WWOX: variants seen among roughly 807,000 people sequenced by gnomAD.
The protein encoded by WWOX is WW domain containing oxidoreductase, also known as WW domain-containing oxidoreductase.
In WWOX, 69 loss-of-function variants were observed where a neutral mutation model predicts 46.2. The ratio of observed to expected loss-of-function variants is 1.49; its 90% CI spans 1.23 to 1.82. The LOEUF is 1.82. Ranked by LOEUF, WWOX falls within the 40% of genes most tolerant of loss-of-function variation. The probability of loss-of-function intolerance (pLI) is 0.00; values close to 1 mark genes in which losing one functional copy is unlikely to be tolerated. For missense variants in WWOX, 919 were observed against 542.6 expected, an observed-to-expected ratio of 1.69 and a Z score of -6.89; for synonymous variants, 359 against 202.6, an observed-to-expected ratio of 1.77 and a Z score of -6.56.
chr16:78,949,589 A>G (rs1567669534), intron 8 of WWOX, among the ~76,000 whole-genome samples: 1 of 152,194 alleles, frequency 6.6e-6, no homozygotes, highest in Non-Finnish European at 1.5e-5. Flanking sequence ...ATGCTGTACT[A>G]CTTTTAATTT....
intron 8 of WWOX, among the ~76,000 whole-genome samples, chr16:78,433,240 G>C (rs1167739531): frequency 6.6e-6 from 1 of 152,070 alleles, no homozygotes. Flanking sequence ...TCCTCTGTTG[G>C]AGAGTCCTTT....
chr16:78,319,881 G>C (rs182853485), intron 5 of WWOX, among the ~76,000 whole-genome samples: 1 of 152,088 alleles, frequency 6.6e-6, no homozygotes, highest in Non-Finnish European at 1.5e-5. Flanking sequence ...TTTTCTGCCT[G>C]GGAGGCACTT....
intron 5 of WWOX, among the ~76,000 whole-genome samples, chr16:78,320,922 G>A (rs1169283003): frequency 6.6e-6 from 1 of 152,094 alleles, no homozygotes; most frequent in Non-Finnish European, 1.5e-5. Context: ...CTTGCTTTGG[G>A]CGCCAGACTG....
intron 8 of WWOX, among the ~76,000 whole-genome samples, chr16:78,994,110 C>T (rs939407802): frequency 6.6e-6 from 1 of 152,176 alleles, no homozygotes; most frequent in African/African-American, 2.4e-5. Flanking sequence ...AGAAACGTTA[C>T]CTGTCAACAT....
chr16:78,970,686 A>G (rs920301611), intron 8 of WWOX, among the ~76,000 whole-genome samples: 12 of 152,196 alleles, frequency 7.9e-5, no homozygotes, highest in Admixed American at 7.9e-4. Flanking sequence ...TTGAGGCCAT[A>G]ATTTAAAAAG....
At chr16:78,698,349 G>T (rs1359509178) in intron 8 of WWOX, among the ~76,000 whole-genome samples, 2 of 152,142 alleles carry the variant, frequency 1.3e-5, no homozygotes, top group Non-Finnish European at 2.9e-5. Flanking sequence ...TGGGATTTTT[G>T]GGGTATCTTC....
intron 8 of WWOX, among the ~76,000 whole-genome samples, chr16:78,968,022 A>G (rs978799220): frequency 5.9e-5 from 9 of 152,226 alleles, no homozygotes; most frequent in Admixed American, 5.2e-4. Flanking sequence ...TGTTTAATCT[A>G]CCATTCCTTG....
At chr16:78,723,133 G>A (rs992732240) in intron 8 of WWOX, among the ~76,000 whole-genome samples, 1 of 152,168 alleles carries the variant, frequency 6.6e-6, no homozygotes, top group Non-Finnish European at 1.5e-5. Flanking sequence ...AGATCATCCC[G>A]TCAACTGCTG....
At chr16:78,172,103 G>A (rs2151744052) in intron 5 of WWOX, among the ~76,000 whole-genome samples, 1 of 152,300 alleles carries the variant, frequency 6.6e-6, no homozygotes, top group South Asian at 2.1e-4. Flanking sequence ...GTGTGTGGGT[G>A]ATGCCGGAAG....
chr16:78,867,661 C>T (rs2044035282), intron 8 of WWOX, among the ~76,000 whole-genome samples: 1 of 152,068 alleles, frequency 6.6e-6, no homozygotes, highest in Non-Finnish European at 1.5e-5. Context: ...CCACCTCAGC[C>T]TCACGAGTAG....
rs72628253 is a variant in WWOX at position 78,945,079 on chromosome 16, C to G, written c.1057-266529C>G. On this transcript the variant is annotated intron_variant, in intron 8 of 8. Coordinates refer to ENST00000566780, the MANE Select transcript of WWOX (RefSeq NM_016373.4). ...CCTGTAGTCGCAGGTACTTGGGAGG[C>G]TGAGGTAAGGGGATTGCTGGAGCCT... is the stretch of plus-strand genomic sequence containing the variant. 9.6e-3 allele frequency among the ~76,000 whole-genome samples: 1,457 copies of G among 152,108 alleles called. 53 individuals are homozygous for G. The East Asian group carries it at 0.11, about 11-fold the overall frequency.
chr16:78,381,091 C>T (rs1163063799), intron 5 of WWOX, among the ~76,000 whole-genome samples: 2 of 152,178 alleles, frequency 1.3e-5, no homozygotes, highest in Admixed American at 6.5e-5. Flanking sequence ...GGCTGTAGTT[C>T]CAGGGCAGCC....
Position 79,096,495 on chromosome 16 carries a change from G to A in WWOX, c.1057-115113G>A, listed in dbSNP as rs139442673. ...CCCTCCTGGTTATCCCACTCAGAGTGCCCTTCAACAGCTACAGGGCTGGCC... is the reference window on the plus strand; with the variant it reads ...CCCTCCTGGTTATCCCACTCAGAGTACCCTTCAACAGCTACAGGGCTGGCC... On this transcript the variant is annotated intron_variant, in intron 8 of 8. Transcript: ENST00000566780. Among the ~76,000 whole-genome samples, 671 of 152,222 alleles carry A rather than the reference G, an allele frequency of 4.4e-3. 1 individual carries two copies. The highest frequency in any genetic ancestry group is 0.014 in the Middle Eastern group (4 of 294).
intron 8 of WWOX, among the ~76,000 whole-genome samples, chr16:78,724,268 A>C (rs1046496347): frequency 3.9e-5 from 6 of 152,188 alleles, no homozygotes; most frequent in Non-Finnish European, 7.3e-5. Context: ...CAATGAAAAA[A>C]GCCCCATTTG....
rs190236835 is a variant in WWOX at position 78,106,239 on chromosome 16, T to G, written c.108-2184T>G. ...ATCTCTTAACTTTCTTGAAGAAGCTTGAGACACAGCTCTGCAAGGGGCTGG... is the reference window on the plus strand; with the variant it reads ...ATCTCTTAACTTTCTTGAAGAAGCTGGAGACACAGCTCTGCAAGGGGCTGG... On this transcript the variant is annotated intron_variant, in intron 1 of 8. Coordinates refer to ENST00000566780, the MANE Select transcript of WWOX (RefSeq NM_016373.4). Among the ~76,000 whole-genome samples, 928 of 152,264 alleles carry G rather than the reference T, an allele frequency of 6.1e-3. 15 individuals are homozygous for G. Among genetic ancestry groups the G allele is most frequent in the African/African-American group, 0.021 (890 of 41,552 alleles).
chr16:78,472,421 G>T (rs1010461512), intron 8 of WWOX, among the ~76,000 whole-genome samples: 1 of 152,118 alleles, frequency 6.6e-6, no homozygotes, highest in Non-Finnish European at 1.5e-5. Flanking sequence ...AGAAAATTTA[G>T]AATATAAATT....
At chr16:78,479,488 G>C (rs552233852) in intron 8 of WWOX, among the ~76,000 whole-genome samples, 2 of 152,298 alleles carry the variant, frequency 1.3e-5, no homozygotes, top group East Asian at 3.9e-4. Context: ...ATGCAAATAT[G>C]GTAGTACTGT....
At chr16:78,944,285 C>T (rs992502605) in intron 8 of WWOX, among the ~76,000 whole-genome samples, 1 of 152,146 alleles carries the variant, frequency 6.6e-6, no homozygotes, top group Admixed American at 6.5e-5. Context: ...GCATCTACAT[C>T]TTTCAGCCTC....
At chr16:79,016,112 T>A (rs1156465760) in intron 8 of WWOX, 1 of 152,210 alleles carries the variant, frequency 6.6e-6, no homozygotes, top group East Asian at 1.9e-4. Flanking sequence ...TTCCAACCTG[T>A]CTTTGTAATC....
Sources: allele counts gnomAD v4.1 joint callset (sites outside exome capture counted in the v4.1 genomes callset), GRCh38; gene constraint gnomAD v4.1.1; transcripts MANE v1.5; gene names NCBI Gene and HGNC (gene_info 2026-07-23, HGNC 2026-07-21).